PHACTR1: variants seen among roughly 807,000 people sequenced by gnomAD.
PHACTR1 encodes RPEL repeat containing 1.
A neutral mutation model predicts 69.2 loss-of-function variants in PHACTR1; 16 were observed. The ratio of observed to expected loss-of-function variants is 0.23; its 90% CI spans 0.16 to 0.35. The LOEUF is 0.35. PHACTR1 is among the 10% of genes least tolerant of loss of function. The probability of loss-of-function intolerance (pLI) is 1.00; values close to 1 mark genes in which losing one functional copy is unlikely to be tolerated. For synonymous variants in PHACTR1, 312 were observed against 284.5 expected (o/e 1.10, Z -0.97); for missense variants, 510 against 734.7 (o/e 0.69, Z 3.54).
intron 5 of PHACTR1, among the ~76,000 whole-genome samples, chr6:13,078,459 G>T (rs917622609): frequency 3.3e-5 from 5 of 152,078 alleles, no homozygotes; most frequent in Admixed American, 1.3e-4. Context: ...TAAACACTAG[G>T]GATTAAGACA....
rs187662001 is a variant in PHACTR1, at chr6:12,912,403, G to T, written c.251-140962G>T. On this transcript the variant is annotated intron_variant, in intron 4 of 14. Transcript: ENST00000332995. ...ATGTTGGTAATTTTTTCCATTATCTGTGGTGCCCACATCATGTTATCCAAA... is the reference window on the plus strand; with the variant it reads ...ATGTTGGTAATTTTTTCCATTATCTTTGGTGCCCACATCATGTTATCCAAA... 7.2e-4 allele frequency among the ~76,000 whole-genome samples: 110 copies of T among 152,292 alleles called. 1 individual carries two copies. The South Asian group carries it at 0.017, about 24-fold the overall frequency.
intron 5 of PHACTR1, 30 bp downstream of exon 5, chr6:13,053,559 T>C (rs1323237728): frequency 1.9e-6 from 3 of 1,601,252 alleles, no homozygotes; most frequent in Non-Finnish European, 1.7e-6. Flanking sequence ...CATTTCCCAT[T>C]TGGTGTTTGT....
chr6:12,837,681 C>G (rs1778295401), intron 4 of PHACTR1, among the ~76,000 whole-genome samples: 1 of 151,444 alleles, frequency 6.6e-6, no homozygotes, highest in African/African-American at 2.4e-5. Flanking sequence ...TGGCCCTGGG[C>G]AAGTTTTAAC....
At chr6:13,110,631 A>G (rs1816893133) in intron 5 of PHACTR1, among the ~76,000 whole-genome samples, 3 of 152,186 alleles carry the variant, frequency 2.0e-5, no homozygotes, top group African/African-American at 4.8e-5. Flanking sequence ...TCTTCAACTC[A>G]GTAGGACTGC....
At chr6:12,984,706 A>G (rs1365042267) in intron 4 of PHACTR1, among the ~76,000 whole-genome samples, 2 of 152,224 alleles carry the variant, frequency 1.3e-5, no homozygotes, top group African/African-American at 4.8e-5. Flanking sequence ...TAGTTTTAAA[A>G]TAATTTTGGG....
chr6:12,729,491 T>C (rs942142576), intron 3 of PHACTR1, among the ~76,000 whole-genome samples: 2 of 152,142 alleles, frequency 1.3e-5, no homozygotes, highest in Non-Finnish European at 2.9e-5. Context: ...GGGTGATCCA[T>C]CTGGAGAACT....
chr6:12,996,436 T>C lies in PHACTR1; in HGVS notation c.251-56929T>C, dbSNP rs114055735. 4.0e-3 allele frequency among the ~76,000 whole-genome samples: 612 copies of C among 152,256 alleles called. 7 individuals are homozygous for C. Among genetic ancestry groups the C allele is most frequent in the African/African-American group, 0.014 (595 of 41,570 alleles). On this transcript the variant is annotated intron_variant, in intron 4 of 14. Transcript: ENST00000332995. ...GAAGGAAATATTATGATCAACTTCA[T>C]GCAAGTAAATTGGAACACTTAAATA... is the stretch of plus-strand genomic sequence containing the variant.
chr6:13,277,479 A>C (rs1779160575), intron 11 of PHACTR1, among the ~76,000 whole-genome samples: 1 of 152,138 alleles, frequency 6.6e-6, no homozygotes, highest in Non-Finnish European at 1.5e-5. Context: ...CAGCAGGTTG[A>C]GGGCAGTCTT....
At chr6:13,095,025 C>G (rs951349017) in intron 5 of PHACTR1, among the ~76,000 whole-genome samples, 1 of 152,146 alleles carries the variant, frequency 6.6e-6, no homozygotes, top group African/African-American at 2.4e-5. Context: ...CCTAGTGTCT[C>G]TCTCTCTTAA....
At chr6:12,863,307 CT>C (rs1781126223) in intron 4 of PHACTR1, among the ~76,000 whole-genome samples, 1 of 152,234 alleles carries the variant, frequency 6.6e-6, no homozygotes, top group Admixed American at 6.5e-5. Context: ...TTGCAGACAG[CT>C]GCCTTCTCAT....
chr6:13,191,177 A>G (rs1199162167), intron 7 of PHACTR1, among the ~76,000 whole-genome samples: 3 of 152,216 alleles, frequency 2.0e-5, no homozygotes, highest in East Asian at 3.9e-4. Context: ...CCTCCCAGTA[A>G]TCCCAGTGCA....
chr6:13,053,979 A>T (rs937259316), intron 5 of PHACTR1, among the ~76,000 whole-genome samples: 3 of 145,236 alleles, frequency 2.1e-5, no homozygotes, highest in Non-Finnish European at 4.6e-5. Flanking sequence ...ATTCTTGGAC[A>T]TAGCAGGAAA....
intron 4 of PHACTR1, among the ~76,000 whole-genome samples, chr6:12,773,331 T>C (rs982589541): frequency 2.0e-5 from 3 of 152,196 alleles, no homozygotes; most frequent in Admixed American, 6.5e-5. Flanking sequence ...AACCAAGGGA[T>C]GTTCACACCC....
intron 4 of PHACTR1, among the ~76,000 whole-genome samples, chr6:12,770,797 G>A (rs181249623): frequency 6.6e-6 from 1 of 152,262 alleles, no homozygotes; most frequent in East Asian, 1.9e-4. Context: ...GGGTTAGAGG[G>A]AGCGATAGAA....
intron 4 of PHACTR1, chr6:12,957,933 G>C (rs1256817769): frequency 7.1e-6 from 7 of 985,218 alleles, no homozygotes; most frequent in Middle Eastern, 5.2e-4. Context: ...CGACACTTGA[G>C]GAGACTGTTG....
At chr6:12,823,680 T>G (rs1776458833) in intron 4 of PHACTR1, among the ~76,000 whole-genome samples, 1 of 152,204 alleles carries the variant, frequency 6.6e-6, no homozygotes, top group African/African-American at 2.4e-5. Flanking sequence ...TAAAATCCCT[T>G]TATCAGTTGG....
At chr6:12,750,993 T>TGC (rs1554133111) in intron 4 of PHACTR1, among the ~76,000 whole-genome samples, 12 of 129,640 alleles carry the variant, frequency 9.3e-5, no homozygotes, top group African/African-American at 2.9e-4. Context: ...TGTGTGTGTG[T>TGC]GCGCGTGCGT....
At chr6:12,753,966 ATATAT>A (rs1424128767) in intron 4 of PHACTR1, among the ~76,000 whole-genome samples, 51 of 39,622 alleles carry the variant, frequency 1.3e-3, no homozygotes, top group African/African-American at 5.3e-3. Flanking sequence ...ATATATATAT[ATATAT>A]TTTTTTTTTG....
intron 5 of PHACTR1, among the ~76,000 whole-genome samples, chr6:13,137,342 C>G (rs1018251752): frequency 6.6e-6 from 1 of 152,102 alleles, no homozygotes; most frequent in Non-Finnish European, 1.5e-5. Flanking sequence ...CAAGATGTAC[C>G]TAGGCATTGA....
Sources: allele counts gnomAD v4.1 joint callset (sites outside exome capture counted in the v4.1 genomes callset), GRCh38; gene constraint gnomAD v4.1.1; transcripts MANE v1.5; gene names NCBI Gene and HGNC (gene_info 2026-07-23, HGNC 2026-07-21).